The following CATSPERB variants were observed in gnomAD, a reference collection of about 807,000 sequenced individuals.
The protein encoded by CATSPERB is cation channel sperm-associated auxiliary subunit beta.
A neutral mutation model predicts 128.3 loss-of-function variants in CATSPERB; 93 were observed. The ratio of observed to expected loss-of-function variants is 0.72; its 90% CI spans 0.61 to 0.86. The LOEUF is 0.86. Ranked by LOEUF, CATSPERB falls within the 40% of genes least tolerant of loss-of-function variation. The probability of loss-of-function intolerance (pLI) is 0.00; values close to 1 mark genes in which losing one functional copy is unlikely to be tolerated. For synonymous variants in CATSPERB, 381 were observed against 448.8 expected, an observed-to-expected ratio of 0.85 and a Z score of 1.91; for missense variants, 1,153 against 1,329.5, an observed-to-expected ratio of 0.87 and a Z score of 2.06.
chr14:91,718,385 C>T (rs1392383401), intron 5 of CATSPERB, among the ~76,000 whole-genome samples: 1 of 152,140 alleles, frequency 6.6e-6, no homozygotes, highest in East Asian at 1.9e-4. Flanking sequence ...TCATCTCTAA[C>T]TTACCCTCAC....
At chr14:91,696,257 T>C (rs1895559637) in intron 7 of CATSPERB, among the ~76,000 whole-genome samples, 1 of 152,140 alleles carries the variant, frequency 6.6e-6, no homozygotes, top group South Asian at 2.1e-4. Flanking sequence ...AGGTTTGCAT[T>C]TAGGGGTCAC....
At chr14:91,603,827 T>G (rs1893650154) in intron 22 of CATSPERB, among the ~76,000 whole-genome samples, 1 of 152,084 alleles carries the variant, frequency 6.6e-6, no homozygotes, top group African/African-American at 2.4e-5. Flanking sequence ...GCTAAACCAT[T>G]CGTGAGAGAC....
At position 91,683,873 on chromosome 14, in the gene CATSPERB, T is replaced by C; in HGVS notation, c.931+4A>G. 2 of 1,594,026 alleles carry C rather than the reference T, an allele frequency of 1.3e-6. No individual in the cohort carries two copies. Among genetic ancestry groups the C allele is most frequent in the Admixed American group, 3.5e-5 (2 of 56,888 alleles). ...AATACAGTATATCTTTAACCAAAAT[T>C]TACCTTCAAAGTGCTCTCTGTTAGC... is the stretch of plus-strand genomic sequence containing the variant. On this transcript the variant is annotated splice_donor_region_variant and intron_variant, in intron 11 of 26. Transcript: ENST00000256343.
intron 5 of CATSPERB, among the ~76,000 whole-genome samples, chr14:91,714,277 C>CAAAAAAAAAAAAAGAA (rs1895895817): frequency 9.0e-6 from 1 of 111,296 alleles, no homozygotes; most frequent in Non-Finnish European, 1.8e-5. Context: ...TACAATAAGG[C>CAAAAAAAAAAAAAGAA]AAAAAAAAAA....
At chr14:91,633,717 G>C (rs1284443484) in intron 17 of CATSPERB, among the ~76,000 whole-genome samples, 1 of 151,772 alleles carries the variant, frequency 6.6e-6, no homozygotes, top group African/African-American at 2.4e-5. Flanking sequence ...ATAGATACAC[G>C]AGAAATATTA....
At chr14:91,589,753 T>C in intron 23 of CATSPERB, 84 bp from the exon 24 acceptor site, 1 of 1,312,722 alleles carries the variant, frequency 7.6e-7, no homozygotes. Flanking sequence ...AAAAGATATA[T>C]TGCCAATAGT....
At chr14:91,627,863 AGCTACATGGGAG>A (rs1474747692) in intron 17 of CATSPERB, among the ~76,000 whole-genome samples, 2 of 152,036 alleles carry the variant, frequency 1.3e-5, no homozygotes, top group African/African-American at 4.8e-5. Context: ...CTGTAGTCCC[AGCTACATGGGAG>A]GCTGAGGCAG....
chr14:91,696,892 T>C (rs1895572699), intron 7 of CATSPERB, among the ~76,000 whole-genome samples: 1 of 152,204 alleles, frequency 6.6e-6, no homozygotes, highest in South Asian at 2.1e-4. Flanking sequence ...AATGCAGGTA[T>C]GATGGCAGAT....
chr14:91,604,591 A>G (rs1893665558), intron 22 of CATSPERB: 1 of 1,610,554 alleles, frequency 6.2e-7, no homozygotes, highest in African/African-American at 1.3e-5. Flanking sequence ...ATTCCTCTCC[A>G]TAGTTATAGA....
intron 4 of CATSPERB, among the ~76,000 whole-genome samples, 157 bp from the exon 5 acceptor site, chr14:91,719,635 G>T (rs181011197): frequency 1.8e-4 from 27 of 152,270 alleles, no homozygotes; most frequent in Admixed American, 1.6e-3. Context: ...CCTACATTAT[G>T]CTCACATATG....
intron 7 of CATSPERB, among the ~76,000 whole-genome samples, chr14:91,702,707 A>ACACACAC (rs1555364571): frequency 1.5e-3 from 112 of 76,140 alleles, no homozygotes; most frequent in African/African-American, 4.2e-3. Context: ...CACACACACA[A>ACACACAC]ACCAAAAACA....
At chr14:91,615,106 C>T (rs1893910935) in intron 20 of CATSPERB, among the ~76,000 whole-genome samples, 4 of 152,240 alleles carry the variant, frequency 2.6e-5, no homozygotes. Flanking sequence ...TCCCCAACCC[C>T]CGGGCTGAGG....
Position 91,639,326 on chromosome 14 carries a change from A to C in CATSPERB, c.1433-76T>G, listed in dbSNP as rs181033591. 5.7e-3 allele frequency: 6,811 copies of C among 1,201,912 alleles called. 162 individuals are homozygous for C. In the South Asian group the frequency reaches 0.061, roughly 11 times the overall value. The allele number at this position is 1,201,912 out of a possible 1,614,324, so 74.5% of individuals were successfully genotyped here. On this transcript the variant is annotated intron_variant, in intron 15 of 26. Transcript: ENST00000256343. ...AAAACTTTAATATCATACCTTGTAA[A>C]GACACCTTCATTTAAACTAAGAGGT...
At chr14:91,720,327 G>A (rs1174213904) in intron 4 of CATSPERB, among the ~76,000 whole-genome samples, 3 of 151,112 alleles carry the variant, frequency 2.0e-5, no homozygotes, top group Non-Finnish European at 2.9e-5. Context: ...ACAAAACTAT[G>A]CTTCAAAATT....
At chr14:91,723,028 A>G (rs756998250) in intron 4 of CATSPERB, 21 bp downstream of exon 4, 56 of 1,476,112 alleles carry the variant, frequency 3.8e-5, no homozygotes, top group Middle Eastern at 1.8e-4. Context: ...CATATCACAG[A>G]GTAAGATAAA....
intron 22 of CATSPERB, among the ~76,000 whole-genome samples, chr14:91,605,735 T>C (rs1248644674): frequency 1.3e-5 from 2 of 152,184 alleles, no homozygotes; most frequent in Admixed American, 1.3e-4. Context: ...CCCTCCTCTC[T>C]GTTACCACTC....
chr14:91,621,625 A>C lies in CATSPERB; in HGVS notation c.2243T>G (p.Val748Gly). The change falls in exon 19 of 27, where the codon GTC becomes GGC. Residue 748 changes from valine (V) to glycine (G), a missense_variant. Coordinates refer to ENST00000256343, the MANE Select transcript of CATSPERB (RefSeq NM_024764.4). ...AAACTTACCTTTTGCATTCCGTATG[A>C]CCTTAGCTTTTAAAACATAAGAGTT... is the stretch of plus-strand genomic sequence containing the variant. ...LGNSYVLKAKVIRNAKGFRML... is the reference protein window; with the variant it reads ...LGNSYVLKAKGIRNAKGFRML... 3.1e-6 allele frequency: 5 copies of C among 1,603,012 alleles called. No individual in the cohort carries two copies. Among genetic ancestry groups the C allele is most frequent in the Non-Finnish European group, 4.3e-6 (5 of 1,173,812 alleles).
At chr14:91,628,780 C>T (rs12586883) in intron 17 of CATSPERB, among the ~76,000 whole-genome samples, 1 of 152,186 alleles carries the variant, frequency 6.6e-6, no homozygotes, top group African/African-American at 2.4e-5. Flanking sequence ...TGAAAACAGA[C>T]TACTGCATAT....
At chr14:91,667,204 TG>T (rs1294881742) in intron 14 of CATSPERB, among the ~76,000 whole-genome samples, 1 of 152,256 alleles carries the variant, frequency 6.6e-6, no homozygotes, top group East Asian at 1.9e-4. Flanking sequence ...TCCTAACCTC[TG>T]GGGGAACCCC....
Sources: gnomAD v4.1 joint callset for allele counts (sites outside exome capture counted in the v4.1 genomes callset) on GRCh38, gnomAD v4.1.1 for gene constraint, MANE v1.5 for transcripts, NCBI Gene and HGNC (gene_info 2026-07-23, HGNC 2026-07-21) for gene names.